The following ANO10 variants were observed in gnomAD, a reference collection of about 807,000 sequenced individuals.
The protein encoded by ANO10 is anoctamin 10.
In ANO10, 77 loss-of-function variants were observed where a neutral mutation model predicts 74.7. The ratio of observed to expected loss-of-function variants is 1.03; its 90% CI spans 0.86 to 1.25. The LOEUF (loss-of-function observed/expected upper bound fraction) is 1.25, where lower values mean the gene tolerates loss of function less well. Ranked by LOEUF, ANO10 falls within the 50% of genes most tolerant of loss-of-function variation. ANO10 has a pLI of 0.00. For missense variants in ANO10, 721 were observed against 778.1 expected (o/e 0.93, Z 0.87); for synonymous variants, 279 against 284.9 (o/e 0.98, Z 0.21).
At chr3:43,399,995 G>C (rs1214812218) in intron 12 of ANO10, among the ~76,000 whole-genome samples, 1 of 152,090 alleles carries the variant, frequency 6.6e-6, no homozygotes, top group East Asian at 1.9e-4. Flanking sequence ...CCAATACAGG[G>C]AGTGCTCTCA....
chr3:43,614,441 TA>T (rs1282329827), intron 1 of ANO10, among the ~76,000 whole-genome samples: 8 of 151,244 alleles, frequency 5.3e-5, no homozygotes, highest in African/African-American at 1.2e-4. Context: ...CAACAGAAAA[TA>T]AAAAAACATA....
intron 12 of ANO10, among the ~76,000 whole-genome samples, chr3:43,381,118 T>C (rs528797973): frequency 6.6e-6 from 1 of 152,194 alleles, no homozygotes; most frequent in African/African-American, 2.4e-5. Flanking sequence ...ACCGCCCCCA[T>C]GATTAAAACA....
chr3:43,663,045 G>C (rs992494930), intron 1 of ANO10, among the ~76,000 whole-genome samples: 2 of 152,100 alleles, frequency 1.3e-5, no homozygotes, highest in Admixed American at 6.5e-5. Context: ...CATTTTATGA[G>C]GCCAGCATCA....
chr3:43,444,152 C>G (rs1469540675), intron 11 of ANO10, among the ~76,000 whole-genome samples: 2 of 152,126 alleles, frequency 1.3e-5, no homozygotes, highest in East Asian at 1.9e-4. Flanking sequence ...AATCAAGAGG[C>G]TTGTTGTAGT....
intron 11 of ANO10, among the ~76,000 whole-genome samples, chr3:43,435,325 T>C (rs2093050395): frequency 6.6e-6 from 1 of 152,070 alleles, no homozygotes; most frequent in African/African-American, 2.4e-5. Context: ...CCTGGACAAC[T>C]TGGGGAAACC....
intron 4 of ANO10, among the ~76,000 whole-genome samples, chr3:43,580,793 TAAAA>T (rs2081231498): frequency 2.6e-5 from 4 of 152,138 alleles, no homozygotes; most frequent in Admixed American, 2.6e-4. Context: ...TAACCAGACA[TAAAA>T]ATATATCCAT....
chr3:43,612,549 G>C (rs2082881327), intron 1 of ANO10, among the ~76,000 whole-genome samples: 1 of 152,086 alleles, frequency 6.6e-6, no homozygotes, highest in Non-Finnish European at 1.5e-5. Flanking sequence ...GCTCTAAAGT[G>C]TTTTTCAGGT....
chr3:43,379,475 G>A (rs1266817595), intron 12 of ANO10, among the ~76,000 whole-genome samples: 1 of 152,178 alleles, frequency 6.6e-6, no homozygotes, highest in Non-Finnish European at 1.5e-5. Context: ...TTTGCTCCAA[G>A]AACTACTGCA....
intron 2 of ANO10, among the ~76,000 whole-genome samples, chr3:43,603,413 G>C (rs765515016): frequency 2.6e-5 from 4 of 151,564 alleles, no homozygotes; most frequent in Non-Finnish European, 4.4e-5. Flanking sequence ...CTTCTTTCTT[G>C]GAGGCTTGTC....
At chr3:43,386,652 T>TGTGTGTAC (rs2092128021) in intron 12 of ANO10, among the ~76,000 whole-genome samples, 1 of 130,838 alleles carries the variant, frequency 7.6e-6, no homozygotes, top group Admixed American at 7.3e-5. Flanking sequence ...TGTGTACGTG[T>TGTGTGTAC]GTGTGTGTGT....
At chr3:43,425,672 C>A (rs2092888806) in intron 12 of ANO10, among the ~76,000 whole-genome samples, 1 of 152,106 alleles carries the variant, frequency 6.6e-6, no homozygotes, top group Non-Finnish European at 1.5e-5. Flanking sequence ...TCAAAACAGA[C>A]CCTTTGTGGC....
Position 43,565,653 on chromosome 3 carries a change from C to T in ANO10, c.1293G>A (p.Gln431=), listed in dbSNP as rs1232196880. The change falls in exon 8 of 13, where the codon CAG becomes CAA. Residue 431 remains glutamine (Q), a splice_region_variant and synonymous_variant. Coordinates refer to ENST00000292246, the MANE Select transcript of ANO10 (RefSeq NM_018075.5). ...GTATTTTTCTGTTATTTTTACTTAC[C>T]TGGCGCAAAAGCTTCATATCTTTCA... is the stretch of plus-strand genomic sequence containing the variant. The part of the protein sequence containing the change: ...FVLKDMKLLR[Q]SLATLLITSQ... 6.4e-7 allele frequency: 1 copy of T among 1,574,182 alleles called. No homozygotes were observed. The highest frequency in any genetic ancestry group is 8.6e-7 in the Non-Finnish European group (1 of 1,159,352).
chr3:43,523,760 T>C (rs2078062962), intron 11 of ANO10, among the ~76,000 whole-genome samples: 1 of 152,136 alleles, frequency 6.6e-6, no homozygotes, highest in Non-Finnish European at 1.5e-5. Flanking sequence ...AATACACATG[T>C]AGATGTCCAA....
At chr3:43,544,273 A>G (rs1247091642) in intron 11 of ANO10, among the ~76,000 whole-genome samples, 3 of 152,118 alleles carry the variant, frequency 2.0e-5, no homozygotes, top group African/African-American at 7.2e-5. Context: ...GCATTTTCAC[A>G]TGTTTTCATC....
chr3:43,467,211 A>G (rs2075664224), intron 11 of ANO10, among the ~76,000 whole-genome samples: 1 of 152,246 alleles, frequency 6.6e-6, no homozygotes. Context: ...AGTTAAATAT[A>G]TACTTATCAT....
chr3:43,566,117 G>C (rs551130657), intron 7 of ANO10, among the ~76,000 whole-genome samples: 2 of 152,310 alleles, frequency 1.3e-5, no homozygotes, highest in African/African-American at 4.8e-5. Flanking sequence ...AGAATACTGC[G>C]CTTTTCCGAC....
At chr3:43,370,546 C>T (rs2091572389) in intron 12 of ANO10, among the ~76,000 whole-genome samples, 1 of 38,904 alleles carries the variant, frequency 2.6e-5, no homozygotes, top group Admixed American at 4.3e-4. Flanking sequence ...ACAAACCTGG[C>T]TGGAGGGTGG....
intron 1 of ANO10, among the ~76,000 whole-genome samples, chr3:43,672,140 A>G (rs2084066668): frequency 6.6e-6 from 1 of 152,178 alleles, no homozygotes; most frequent in Non-Finnish European, 1.5e-5. Flanking sequence ...TGTCTCTTCA[A>G]AATTTGCTTG....
chr3:43,618,771 A>G, intron 1 of ANO10, among the ~76,000 whole-genome samples: 1 of 152,146 alleles, frequency 6.6e-6, no homozygotes, highest in South Asian at 2.1e-4. Context: ...TGGCATATAA[A>G]AGTAATTAAA....
Sources: allele counts gnomAD v4.1 joint callset (sites outside exome capture counted in the v4.1 genomes callset), GRCh38; gene constraint gnomAD v4.1.1; transcripts MANE v1.5; gene names NCBI Gene and HGNC (gene_info 2026-07-23, HGNC 2026-07-21).